Variants in CALN1 observed in about 807,000 individuals in gnomAD.
The protein encoded by CALN1 is calneuron 1.
CALN1 carries 17 observed loss-of-function variants against 30.6 expected under a neutral mutation model. The observed-to-expected ratio is 0.56, with a 90% CI of 0.38 to 0.83. The LOEUF is 0.83. Among genes scored for constraint, CALN1 ranks in the 40% least tolerant of loss-of-function variants. The probability of loss-of-function intolerance (pLI) is 0.00; values close to 1 mark genes in which losing one functional copy is unlikely to be tolerated. For synonymous variants in CALN1, 156 were observed against 131.4 expected (o/e 1.19, Z -1.28); for missense variants, 291 against 354.9 (o/e 0.82, Z 1.45).
intron 2 of CALN1, among the ~76,000 whole-genome samples, chr7:72,341,265 G>A (rs1802368668): frequency 6.6e-6 from 1 of 152,232 alleles, no homozygotes; most frequent in Non-Finnish European, 1.5e-5. Context: ...GCTGAAGCCT[G>A]TAATCCCAGC....
chr7:72,308,364 T>TTGGGGGGG, intron 2 of CALN1, among the ~76,000 whole-genome samples: 1 of 57,908 alleles, frequency 1.7e-5, no homozygotes, highest in East Asian at 5.6e-4. Flanking sequence ...ATGCTGTCTG[T>TTGGGGGGG]GGGGGGGGGA....
intron 6 of CALN1, among the ~76,000 whole-genome samples, chr7:71,790,404 G>GAAAGAAAGA (rs1554337105): frequency 4.3e-4 from 54 of 126,164 alleles, no homozygotes; most frequent in East Asian, 2.6e-3. Flanking sequence ...AAGAAAGAAA[G>GAAAGAAAGA]AAAGAAAGAA....
intron 2 of CALN1, among the ~76,000 whole-genome samples, chr7:72,396,696 G>T (rs188699344): frequency 6.6e-6 from 1 of 152,252 alleles, no homozygotes; most frequent in Non-Finnish European, 1.5e-5. Context: ...GTAGGGAGTT[G>T]AAGATGTTTC....
chr7:72,116,187 G>C (rs1278108412), intron 3 of CALN1, among the ~76,000 whole-genome samples: 5 of 152,150 alleles, frequency 3.3e-5, no homozygotes, highest in African/African-American at 1.2e-4. Flanking sequence ...GACTTGAAAA[G>C]AAGGCTCAAG....
intron 5 of CALN1, among the ~76,000 whole-genome samples, chr7:71,937,768 T>C (rs1296982996): frequency 6.6e-6 from 1 of 152,226 alleles, no homozygotes; most frequent in Non-Finnish European, 1.5e-5. Flanking sequence ...CATGAGCCAC[T>C]GCACCTGCCA....
chr7:72,048,128 C>T (rs844770), intron 4 of CALN1, among the ~76,000 whole-genome samples: 12,188 of 151,144 alleles, frequency 0.081, 1,210 homozygotes, highest in African/African-American at 0.22. Flanking sequence ...CAACCTCCGC[C>T]TCCCAGGTTC....
At chr7:72,405,244 T>C (rs1369859940) in intron 1 of CALN1, among the ~76,000 whole-genome samples, 2 of 152,204 alleles carry the variant, frequency 1.3e-5, no homozygotes, top group Non-Finnish European at 2.9e-5. Context: ...ACAGCACATG[T>C]GCAACGCACC....
rs370793444 is a variant in CALN1 at position 72,435,537 on chromosome 7, C to T, written c.-226+11505G>A. The stretch of plus-strand genomic sequence containing the variant: ...GATGGGTTTCCTTCCCCTGGGACCA[C>T]AATTGCAGCCCCGGAGAGCCTCAGG... On this transcript the variant is annotated intron_variant, in intron 1 of 6. Transcript: ENST00000395276. Among the ~76,000 whole-genome samples the T allele has an allele frequency of 5.3e-5, 8 of 152,300 alleles. No individual in the cohort carries two copies. In the East Asian group the frequency reaches 1.4e-3, roughly 26 times the overall value.
intron 2 of CALN1, among the ~76,000 whole-genome samples, chr7:72,374,550 A>G (rs1355975749): frequency 8.0e-6 from 1 of 124,716 alleles, no homozygotes; most frequent in African/African-American, 2.7e-5. Flanking sequence ...AAAAAAAAGG[A>G]AAAAAAAGAA....
At chr7:71,853,779 C>T (rs1053947146) in intron 5 of CALN1, among the ~76,000 whole-genome samples, 3 of 152,092 alleles carry the variant, frequency 2.0e-5, no homozygotes, top group African/African-American at 7.2e-5. Flanking sequence ...GGGGTTTCAC[C>T]ATGTTGGCCA....
At chr7:71,900,524 C>G (rs1420300093) in intron 5 of CALN1, among the ~76,000 whole-genome samples, 1 of 152,158 alleles carries the variant, frequency 6.6e-6, no homozygotes, top group Non-Finnish European at 1.5e-5. Context: ...AACAATCAAG[C>G]TGAGAACCAA....
chr7:72,051,567 G>A (rs576166487), intron 4 of CALN1, among the ~76,000 whole-genome samples: 4 of 152,132 alleles, frequency 2.6e-5, no homozygotes, highest in Non-Finnish European at 5.9e-5. Context: ...GTTCCAGGAT[G>A]AAGAAAAAGT....
chr7:71,965,020 G>A (rs1328675458), intron 5 of CALN1, among the ~76,000 whole-genome samples: 2 of 152,016 alleles, frequency 1.3e-5, no homozygotes, highest in Admixed American at 6.6e-5. Flanking sequence ...TCTGGCTCAC[G>A]TTTTATTTTT....
intron 2 of CALN1, among the ~76,000 whole-genome samples, chr7:72,293,244 C>G (rs1413089668): frequency 1.3e-5 from 2 of 152,180 alleles, no homozygotes; most frequent in East Asian, 1.9e-4. Context: ...ATTCCCACCC[C>G]TAGTCTGGAA....
At chr7:72,143,846 C>T (rs909590608) in intron 3 of CALN1, among the ~76,000 whole-genome samples, 9 of 152,122 alleles carry the variant, frequency 5.9e-5, no homozygotes, top group African/African-American at 9.7e-5. Context: ...AAAGAATTTT[C>T]AACCCAGAAT....
chr7:71,960,322 C>T (rs538311924), intron 5 of CALN1, among the ~76,000 whole-genome samples: 20 of 152,082 alleles, frequency 1.3e-4, no homozygotes, highest in Non-Finnish European at 2.5e-4. Context: ...ATCTTACTTC[C>T]GTCCCAGCCT....
chr7:71,956,426 C>T (rs1468576191), intron 5 of CALN1, among the ~76,000 whole-genome samples: 1 of 151,740 alleles, frequency 6.6e-6, no homozygotes, highest in Non-Finnish European at 1.5e-5. Flanking sequence ...GGAAATTTTA[C>T]TATTGGGCAT....
chr7:72,139,994 G>C (rs148263622), intron 3 of CALN1, among the ~76,000 whole-genome samples: 290 of 152,242 alleles, frequency 1.9e-3, no homozygotes, highest in African/African-American at 6.1e-3. Context: ...GGTTAGGAAA[G>C]CATGCTCAGA....
At chr7:72,018,915 C>A (rs1800552091) in intron 5 of CALN1, among the ~76,000 whole-genome samples, 1 of 152,134 alleles carries the variant, frequency 6.6e-6, no homozygotes, top group East Asian at 1.9e-4. Flanking sequence ...CAGCTCACTG[C>A]AACCTCCACC....
Sources: gnomAD v4.1 joint callset for allele counts (sites outside exome capture counted in the v4.1 genomes callset) on GRCh38, gnomAD v4.1.1 for gene constraint, MANE v1.5 for transcripts, NCBI Gene and HGNC (gene_info 2026-07-23, HGNC 2026-07-21) for gene names.